Variants in SLIT3 observed in about 807,000 individuals in gnomAD.
SLIT3 encodes slit homolog 3 protein.
A neutral mutation model predicts 184.0 loss-of-function variants in SLIT3; 68 were observed. The ratio of observed to expected loss-of-function variants is 0.37; its 90% CI spans 0.30 to 0.45. The LOEUF (loss-of-function observed/expected upper bound fraction) is 0.45. Among genes scored for constraint, SLIT3 ranks in the 20% least tolerant of loss-of-function variants. The pLI is 1.00. For missense variants in SLIT3, 1,707 were observed against 2,026.0 expected, an observed-to-expected ratio of 0.84 and a Z score of 3.02; for synonymous variants, 831 against 828.6, an observed-to-expected ratio of 1.00 and a Z score of -0.05.
intron 2 of SLIT3, among the ~76,000 whole-genome samples, chr5:169,246,484 G>C (rs570143505): frequency 8.5e-5 from 13 of 152,256 alleles, no homozygotes; most frequent in African/African-American, 3.1e-4. Flanking sequence ...ATATAAGAGT[G>C]GGTTAACTAG....
chr5:169,128,290 A>AT (rs1237593915), intron 4 of SLIT3, among the ~76,000 whole-genome samples: 1 of 148,234 alleles, frequency 6.7e-6, no homozygotes, highest in African/African-American at 2.5e-5. Flanking sequence ...ATATATATAT[A>AT]ATTTATATGT....
Position 168,666,278 on chromosome 5 carries a change from C to T in SLIT3, c.*176G>A. 5.6e-6 allele frequency: 3 copies of T among 531,666 alleles called. No individual in the cohort carries two copies. Among genetic ancestry groups the T allele is most frequent in the Non-Finnish European group, 9.3e-6 (3 of 323,090 alleles). 32.9% of individuals were successfully genotyped at this position (531,666 alleles called of 1,614,324 possible). A position where few individuals can be genotyped will look rare whatever the true frequency, so the allele number is the denominator to read the frequency against. ...ATAAAAGATGAAAATAGTCACTTTC[C>T]ATAATAAAAATAAGTTCTATTTTTT... On this transcript the variant is annotated 3_prime_UTR_variant, in exon 36 of 36. Coordinates refer to ENST00000519560, the MANE Select transcript of SLIT3 (RefSeq NM_003062.4).
chr5:168,768,210 C>T (rs777642938), intron 14 of SLIT3: 1 of 523,344 alleles, frequency 1.9e-6, no homozygotes, highest in Middle Eastern at 3.2e-4. Context: ...ATCGTTCCAC[C>T]ACATGGTTAG....
chr5:169,265,590 C>A (rs546518558), intron 1 of SLIT3, among the ~76,000 whole-genome samples: 1 of 152,146 alleles, frequency 6.6e-6, no homozygotes, highest in African/African-American at 2.4e-5. Context: ...AGCCTGGGCT[C>A]AAATCTTAGC....
chr5:168,991,338 AAT>A (rs1755320124), intron 4 of SLIT3, among the ~76,000 whole-genome samples: 2 of 152,200 alleles, frequency 1.3e-5, no homozygotes, highest in African/African-American at 4.8e-5. Flanking sequence ...AAGTGGTAGG[AAT>A]AGAGTCTGAA....
intron 4 of SLIT3, among the ~76,000 whole-genome samples, chr5:168,898,381 T>C (rs1232417162): frequency 7.2e-6 from 1 of 138,460 alleles, no homozygotes; most frequent in East Asian, 2.1e-4. Flanking sequence ...TCTATAGCAT[T>C]TTTATGGAGG....
chr5:169,203,449 C>A (rs1763968090), intron 3 of SLIT3, among the ~76,000 whole-genome samples: 1 of 151,840 alleles, frequency 6.6e-6, no homozygotes, highest in African/African-American at 2.4e-5. Context: ...TGGCCAGATC[C>A]ATTTCAGGCA....
At chr5:169,271,312 T>A (rs1244935948) in intron 1 of SLIT3, among the ~76,000 whole-genome samples, 3 of 152,174 alleles carry the variant, frequency 2.0e-5, no homozygotes, top group Non-Finnish European at 4.4e-5. Context: ...CATGCCTGCC[T>A]TTCTCCCAGC....
intron 4 of SLIT3, among the ~76,000 whole-genome samples, chr5:168,943,341 G>T (rs1241648396): frequency 6.6e-6 from 1 of 152,224 alleles, no homozygotes. Flanking sequence ...GTTCAAAACT[G>T]ATATCTGATA....
rs974338972 is a variant in SLIT3, at chr5:168,681,011, T to A, written c.3686+2955A>T. Among the ~76,000 whole-genome samples the A allele has an allele frequency of 1.3e-5, 2 of 152,106 alleles. 1 individual carries two copies. Among genetic ancestry groups the A allele is most frequent in the South Asian group, 4.1e-4 (2 of 4,822 alleles). On this transcript the variant is annotated intron_variant, in intron 32 of 35. Transcript: ENST00000519560. ...TCCAGAAAAAAACAAAAATTAGACG[T>A]TGTGATGCACACCTGCAGTCCCAGC...
At chr5:169,208,062 C>A (rs1238808262) in intron 3 of SLIT3, among the ~76,000 whole-genome samples, 1 of 152,028 alleles carries the variant, frequency 6.6e-6, no homozygotes, top group African/African-American at 2.4e-5. Context: ...GTTTGCTTAC[C>A]TGGGGGCAAA....
chr5:168,931,025 C>G (rs1027597472), intron 4 of SLIT3, among the ~76,000 whole-genome samples: 1 of 152,200 alleles, frequency 6.6e-6, no homozygotes, highest in African/African-American at 2.4e-5. Context: ...TCGTCTCCCC[C>G]TCTCCTGATA....
At chr5:169,219,323 A>T (rs548638862) in intron 3 of SLIT3, among the ~76,000 whole-genome samples, 58 of 152,366 alleles carry the variant, frequency 3.8e-4, no homozygotes, top group Non-Finnish European at 8.2e-4. Flanking sequence ...CTATAAGTAC[A>T]TTGTAGGTTT....
At chr5:168,867,542 C>T (rs1759351646) in intron 5 of SLIT3, among the ~76,000 whole-genome samples, 2 of 152,212 alleles carry the variant, frequency 1.3e-5, no homozygotes, top group Admixed American at 6.5e-5. Flanking sequence ...AAGTCACTCA[C>T]TTCTGGAACA....
chr5:169,140,308 CAAAAAAA>C (rs10536624), intron 4 of SLIT3, among the ~76,000 whole-genome samples: 1 of 42,048 alleles, frequency 2.4e-5, no homozygotes, highest in Non-Finnish European at 4.5e-5. Flanking sequence ...ACTAAAAATG[CAAAAAAA>C]AAAAAAAAAA....
chr5:168,851,095 A>AG (rs1758654524), intron 5 of SLIT3, among the ~76,000 whole-genome samples: 1 of 152,114 alleles, frequency 6.6e-6, no homozygotes, highest in Non-Finnish European at 1.5e-5. Flanking sequence ...AGGCCGAGGC[A>AG]GGGGGATCAT....
At chr5:169,287,715 G>A (rs1157599237) in intron 1 of SLIT3, among the ~76,000 whole-genome samples, 1 of 152,186 alleles carries the variant, frequency 6.6e-6, no homozygotes, top group Non-Finnish European at 1.5e-5. Context: ...TACGCTGGCA[G>A]CAGATGGAAA....
chr5:169,155,006 T>C (rs297825), intron 4 of SLIT3, among the ~76,000 whole-genome samples: 3,466 of 152,264 alleles, frequency 0.023, 116 homozygotes, highest in East Asian at 0.09. Context: ...CATCTAAAAA[T>C]CAGCTCTAAG....
intron 4 of SLIT3, among the ~76,000 whole-genome samples, chr5:169,052,822 C>T (rs1757862069): frequency 1.3e-5 from 2 of 152,320 alleles, no homozygotes; most frequent in Admixed American, 1.3e-4. Context: ...GCATCATCAC[C>T]TCTGTCTGGT....
Sources: gnomAD v4.1 joint callset for allele counts (sites outside exome capture counted in the v4.1 genomes callset) on GRCh38, gnomAD v4.1.1 for gene constraint, MANE v1.5 for transcripts, NCBI Gene and HGNC (gene_info 2026-07-23, HGNC 2026-07-21) for gene names.